The following TMEM65 variants were observed in gnomAD, a reference collection of about 807,000 sequenced individuals.
TMEM65 encodes transmembrane protein 65.
Under a neutral mutation model 25.4 loss-of-function variants are expected in TMEM65, and 22 were observed. The observed-to-expected ratio is 0.86, with a 90% confidence interval of 0.62 to 1.23. The LOEUF (loss-of-function observed/expected upper bound fraction) is 1.23. Among genes scored for constraint, TMEM65 ranks in the 50% most tolerant of loss-of-function variants. The pLI is 0.00. For synonymous variants in TMEM65, 132 were observed against 126.2 expected, an observed-to-expected ratio of 1.05 and a Z score of -0.31; for missense variants, 262 against 308.2, an observed-to-expected ratio of 0.85 and a Z score of 1.12.
At chr8:124,371,592 G>C (rs1054952733) in intron 1 of TMEM65, among the ~76,000 whole-genome samples, 2 of 152,242 alleles carry the variant, frequency 1.3e-5, no homozygotes, top group Non-Finnish European at 2.9e-5. Flanking sequence ...CTCCGGATTC[G>C]GAGGCTGGGG....
chr8:124,328,329 A>G (rs1354421056), intron 2 of TMEM65, among the ~76,000 whole-genome samples: 3 of 151,974 alleles, frequency 2.0e-5, no homozygotes, highest in Admixed American at 2.0e-4. Flanking sequence ...ACTTGAACCC[A>G]GGCAGCAGAG....
rs1814200722 is a variant in TMEM65, at chr8:124,314,041, A to C, written c.642T>G (p.Thr214=). 2 of 1,613,460 alleles carry C rather than the reference A, an allele frequency of 1.2e-6. No individual in the cohort carries two copies. Among genetic ancestry groups the C allele is most frequent in the Admixed American group, 1.7e-5 (1 of 59,964 alleles). Residue 214 remains threonine, a synonymous_variant, in exon 7 of 7, where the codon ACT becomes ACG. Transcript: ENST00000297632. ...GAAACATTCCTAGAATGCAGCCAAT[A>C]GTCACCCCAACAGCTTTGCCCTAAG... ...STHLGKAVGV[T]IGCILGMFPL... is the part of the protein sequence containing the mutation.
At chr8:124,335,137 G>A (rs557352608) in intron 1 of TMEM65, among the ~76,000 whole-genome samples, 23 of 152,022 alleles carry the variant, frequency 1.5e-4, no homozygotes, top group African/African-American at 5.5e-4. Flanking sequence ...AAACATGAAG[G>A]AAAATTATCA....
chr8:124,368,146 A>T (rs964739717), intron 1 of TMEM65, among the ~76,000 whole-genome samples: 5 of 151,050 alleles, frequency 3.3e-5, no homozygotes, highest in Admixed American at 2.6e-4. Context: ...GATGATTCCC[A>T]CTCCCTTGTA....
chr8:124,351,293 G>A (rs996592810), intron 1 of TMEM65, among the ~76,000 whole-genome samples: 1 of 152,138 alleles, frequency 6.6e-6, no homozygotes, highest in African/African-American at 2.4e-5. Flanking sequence ...ACTGTGCAAA[G>A]CAGCCTTAGT....
intron 3 of TMEM65, among the ~76,000 whole-genome samples, chr8:124,326,109 C>G (rs998955195): frequency 1.3e-5 from 2 of 152,016 alleles, no homozygotes; most frequent in African/African-American, 4.8e-5. Context: ...AAACTGACAA[C>G]AAACTCTCTA....
intron 3 of TMEM65, among the ~76,000 whole-genome samples, chr8:124,324,830 T>A (rs1814348086): frequency 6.6e-6 from 1 of 152,008 alleles, no homozygotes; most frequent in Non-Finnish European, 1.5e-5. Context: ...AATTTTGTGT[T>A]AATAGGTGAG....
intron 1 of TMEM65, among the ~76,000 whole-genome samples, chr8:124,347,893 T>C (rs1206314970): frequency 2.1e-5 from 3 of 144,996 alleles, no homozygotes; most frequent in Non-Finnish European, 3.1e-5. Flanking sequence ...AATTTTTCTT[T>C]TTTTTTTTTT....
In TMEM65 at chr8:124,313,522, G is replaced by C. The variant is rs1814193020; in HGVS notation, c.*438C>G. ...CAAAATTGATGTTCCCAAAAAGAGG[G>C]TAAAAAAATCTTTAACTGACATTAA... On this transcript the variant is annotated 3_prime_UTR_variant, in exon 7 of 7. Coordinates refer to ENST00000297632, the MANE Select transcript of TMEM65 (RefSeq NM_194291.3). 6.5e-6 allele frequency: 1 copy of C among 153,660 alleles called. No individual in the cohort carries two copies. The highest frequency in any genetic ancestry group is 2.0e-4 in the South Asian group (1 of 4,922). 9.5% of individuals were successfully genotyped at this position (153,660 alleles called of 1,614,324 possible). A position where few individuals can be genotyped will look rare whatever the true frequency, so the allele number is the denominator to read the frequency against.
At chr8:124,355,634 A>G (rs889421689) in intron 1 of TMEM65, among the ~76,000 whole-genome samples, 2 of 152,228 alleles carry the variant, frequency 1.3e-5, no homozygotes, top group Admixed American at 1.3e-4. Flanking sequence ...ACTGTGTGAT[A>G]TAACATAGGG....
intron 5 of TMEM65, among the ~76,000 whole-genome samples, chr8:124,321,101 A>G (rs1202138560): frequency 6.6e-6 from 1 of 152,170 alleles, no homozygotes; most frequent in African/African-American, 2.4e-5. Flanking sequence ...TTAAGAGATG[A>G]TATCATGATA....
intron 1 of TMEM65, among the ~76,000 whole-genome samples, chr8:124,335,658 A>G (rs148684588): frequency 1.5e-4 from 23 of 152,254 alleles, no homozygotes; most frequent in African/African-American, 4.3e-4. Context: ...AATATTAGCT[A>G]TAAGAGTCTG....
intron 1 of TMEM65, among the ~76,000 whole-genome samples, chr8:124,371,646 G>A (rs563642391): frequency 6.2e-4 from 95 of 152,298 alleles, no homozygotes; most frequent in Non-Finnish European, 1.3e-3. Context: ...CACGACCCGC[G>A]CCCGTCCTAC....
intron 1 of TMEM65, among the ~76,000 whole-genome samples, chr8:124,336,521 A>C (rs368464146): frequency 6.6e-6 from 1 of 152,034 alleles, no homozygotes; most frequent in Admixed American, 6.5e-5. Context: ...TAATGGAATC[A>C]GTAACAATAA....
chr8:124,331,204 T>C (rs907593440), intron 1 of TMEM65, among the ~76,000 whole-genome samples: 1 of 151,810 alleles, frequency 6.6e-6, no homozygotes, highest in African/African-American at 2.4e-5. Flanking sequence ...GCATCATTGA[T>C]AGTGGAAAAC....
At chr8:124,338,242 A>G (rs907777581) in intron 1 of TMEM65, among the ~76,000 whole-genome samples, 8 of 152,086 alleles carry the variant, frequency 5.3e-5, no homozygotes, top group Non-Finnish European at 1.0e-4. Context: ...TGATATAGTC[A>G]TTTCATTAAT....
intron 1 of TMEM65, among the ~76,000 whole-genome samples, chr8:124,361,108 C>T (rs562610643): frequency 7.9e-5 from 12 of 152,312 alleles, no homozygotes. Context: ...GACAACTTCA[C>T]AGGTTTTCGC....
chr8:124,371,604 G>A (rs1029343036), intron 1 of TMEM65, among the ~76,000 whole-genome samples: 9 of 152,244 alleles, frequency 5.9e-5, no homozygotes, highest in Non-Finnish European at 1.2e-4. Context: ...AGGCTGGGGA[G>A]GAAGTAGCTA....
intron 5 of TMEM65, among the ~76,000 whole-genome samples, chr8:124,321,635 G>A (rs1388228445): frequency 1.3e-4 from 20 of 152,070 alleles, no homozygotes; most frequent in Non-Finnish European, 5.9e-5. Flanking sequence ...TGTCTAGTCA[G>A]TATCCTCAAA....
Sources: gnomAD v4.1 joint callset for allele counts (sites outside exome capture counted in the v4.1 genomes callset) on GRCh38, gnomAD v4.1.1 for gene constraint, MANE v1.5 for transcripts, NCBI Gene and HGNC (gene_info 2026-07-23, HGNC 2026-07-21) for gene names.